PDGFRL: variants seen among roughly 807,000 people sequenced by gnomAD.
PDGFRL encodes the protein platelet-derived growth factor receptor-like protein.
Under a neutral mutation model 37.2 loss-of-function variants are expected in PDGFRL, and 46 were observed. That is an observed-to-expected ratio of 1.24 (90% CI 0.98 to 1.58). The LOEUF (loss-of-function observed/expected upper bound fraction) is 1.58, where lower values mean the gene tolerates loss of function less well. Among genes scored for constraint, PDGFRL ranks in the 40% most tolerant of loss-of-function variants. The pLI is 0.00. For synonymous variants in PDGFRL, 251 were observed against 184.3 expected (o/e 1.36, Z -2.93); for missense variants, 692 against 467.6 (o/e 1.48, Z -4.43).
rs770779669 is a variant in PDGFRL at position 17,590,236 on chromosome 8, C to CAAAAAAAAAAAAAAAAA, written c.353+475_353+491dup. ...GGTGACAGAGAGCGAGACTCCATCTCAAAAAAAAAAAAAAAAAAAATTGCA... is the reference window on the plus strand; with the variant it reads ...GGTGACAGAGAGCGAGACTCCATCTCAAAAAAAAAAAAAAAAAAAAAAAAAAAAAAAAAAAAATTGCA... On this transcript the variant is annotated intron_variant, in intron 2 of 5. Coordinates refer to ENST00000251630, the MANE Select transcript of PDGFRL (RefSeq NM_001372073.1). Among the ~76,000 whole-genome samples the CAAAAAAAAAAAAAAAAA allele has an allele frequency of 4.9e-3, 173 of 35,594 alleles. 22 individuals carry two copies. Among genetic ancestry groups the CAAAAAAAAAAAAAAAAA allele is most frequent in the Admixed American group, 7.6e-3 (14 of 1,836 alleles). 23.4% of individuals were successfully genotyped at this position (35,594 alleles called of 152,430 possible).
At chr8:17,584,880 A>G (rs545264276) in intron 1 of PDGFRL, among the ~76,000 whole-genome samples, 5 of 152,260 alleles carry the variant, frequency 3.3e-5, no homozygotes, top group African/African-American at 1.2e-4. Context: ...GTAAAGGAAT[A>G]AAAGAATGGC....
intron 5 of PDGFRL, among the ~76,000 whole-genome samples, chr8:17,642,139 C>G (rs149887744): frequency 9.5e-4 from 145 of 152,244 alleles, no homozygotes; most frequent in African/African-American, 3.3e-3. Flanking sequence ...TCATACTTCT[C>G]CCTCTCTCAA....
intron 2 of PDGFRL, among the ~76,000 whole-genome samples, chr8:17,606,218 C>G (rs1335506971): frequency 2.0e-5 from 3 of 151,908 alleles, no homozygotes; most frequent in African/African-American, 7.3e-5. Flanking sequence ...CGAAAATACA[C>G]AGAACGTACA....
chr8:17,608,029 G>A (rs994701536), intron 2 of PDGFRL, among the ~76,000 whole-genome samples: 1 of 152,174 alleles, frequency 6.6e-6, no homozygotes, highest in African/African-American at 2.4e-5. Context: ...TGGGGAGTCC[G>A]CCCAGAACCT....
intron 5 of PDGFRL, among the ~76,000 whole-genome samples, chr8:17,636,195 A>C (rs1032584620): frequency 1.3e-5 from 2 of 152,246 alleles, no homozygotes; most frequent in Non-Finnish European, 2.9e-5. Context: ...GCCTAAGCCA[A>C]TGTCTAGAAA....
intron 3 of PDGFRL, among the ~76,000 whole-genome samples, chr8:17,627,048 CTG>C (rs1804748375): frequency 6.6e-6 from 1 of 152,272 alleles, no homozygotes; most frequent in South Asian, 2.1e-4. Context: ...ATCCTCTGGG[CTG>C]TGTGAGGACA....
chr8:17,627,095 G>C (rs1156715922), intron 3 of PDGFRL, among the ~76,000 whole-genome samples: 2 of 152,182 alleles, frequency 1.3e-5, no homozygotes, highest in Non-Finnish European at 2.9e-5. Context: ...GGGGCTCCCA[G>C]GGGAGCTCTG....
At chr8:17,591,137 C>G (rs535942435) in intron 2 of PDGFRL, among the ~76,000 whole-genome samples, 2 of 152,124 alleles carry the variant, frequency 1.3e-5, no homozygotes, top group Non-Finnish European at 2.9e-5. Flanking sequence ...CTGCCTCGGC[C>G]TCCCAAAGTG....
rs372832259 is a variant in PDGFRL at position 17,621,226 on chromosome 8, G to A, written c.505+24G>A. 285 of 1,562,704 alleles carry A rather than the reference G, an allele frequency of 1.8e-4. 1 individual carries two copies. Among genetic ancestry groups the A allele is most frequent in the Middle Eastern group, 5.1e-4 (3 of 5,892 alleles). On this transcript the variant is annotated intron_variant, in intron 3 of 5. Coordinates refer to ENST00000251630, the MANE Select transcript of PDGFRL (RefSeq NM_001372073.1). ...AGGTAAAATACTTGGTGCATTAATGGAACTCTTCAAACTTCTGGACCGGGC... is the reference window on the plus strand; with the variant it reads ...AGGTAAAATACTTGGTGCATTAATGAAACTCTTCAAACTTCTGGACCGGGC...
chr8:17,586,284 C>T (rs911051703), intron 1 of PDGFRL, among the ~76,000 whole-genome samples: 1 of 152,146 alleles, frequency 6.6e-6, no homozygotes, highest in Non-Finnish European at 1.5e-5. Flanking sequence ...CATCTCCTCA[C>T]CGAGGGGATC....
chr8:17,638,763 ATATATATATATATATATATATAT>A (rs1348269538), intron 5 of PDGFRL, among the ~76,000 whole-genome samples: 16 of 115,692 alleles, frequency 1.4e-4, no homozygotes, highest in East Asian at 8.4e-4. Flanking sequence ...ATATATATAT[ATATATATATATATATATATATAT>A]AATTGTGATA....
intron 2 of PDGFRL, among the ~76,000 whole-genome samples, chr8:17,599,268 A>G (rs79211460): frequency 0.019 from 2,820 of 152,182 alleles, 62 homozygotes; most frequent in South Asian, 0.066. Flanking sequence ...CCATATTTGC[A>G]TATTTGTTAT....
At chr8:17,586,480 A>G (rs1004838353) in intron 1 of PDGFRL, among the ~76,000 whole-genome samples, 1 of 152,186 alleles carries the variant, frequency 6.6e-6, no homozygotes, top group African/African-American at 2.4e-5. Context: ...TGGAGAGGCA[A>G]TGGCATGAGC....
At chr8:17,638,532 G>T (rs751418165) in intron 5 of PDGFRL, among the ~76,000 whole-genome samples, 29 of 151,418 alleles carry the variant, frequency 1.9e-4, no homozygotes, top group Non-Finnish European at 4.0e-4. Context: ...TTGTTGGGTC[G>T]AATGTTCTAC....
At chr8:17,607,846 TA>T (rs1294074053) in intron 2 of PDGFRL, among the ~76,000 whole-genome samples, 3 of 152,242 alleles carry the variant, frequency 2.0e-5, no homozygotes, top group Admixed American at 2.0e-4. Flanking sequence ...GGATAAGATG[TA>T]AAATGGGAAA....
At chr8:17,597,634 T>C (rs1804082765) in intron 2 of PDGFRL, among the ~76,000 whole-genome samples, 1 of 152,174 alleles carries the variant, frequency 6.6e-6, no homozygotes, top group Non-Finnish European at 1.5e-5. Flanking sequence ...TATTCATCAG[T>C]GATTTTGGTA....
intron 2 of PDGFRL, among the ~76,000 whole-genome samples, chr8:17,592,467 G>A (rs544146583): frequency 3.2e-4 from 49 of 152,262 alleles, no homozygotes; most frequent in South Asian, 6.2e-4. Context: ...CCACTCGGTG[G>A]ATGCCCTTGG....
chr8:17,621,249 G>C (rs1804625200), intron 3 of PDGFRL, 47 bp downstream of exon 3: 11 of 1,398,264 alleles, frequency 7.9e-6, no homozygotes, highest in Non-Finnish European at 1.1e-5. Context: ...TTCTGGACCG[G>C]GCTGAGAGCT....
intron 2 of PDGFRL, among the ~76,000 whole-genome samples, chr8:17,592,269 C>A (rs1470068930): frequency 1.3e-5 from 2 of 152,254 alleles, no homozygotes; most frequent in Non-Finnish European, 2.9e-5. Context: ...GTTCCCTCTT[C>A]ATAGCACTTG....
Sources: allele counts gnomAD v4.1 joint callset (sites outside exome capture counted in the v4.1 genomes callset), GRCh38; gene constraint gnomAD v4.1.1; transcripts MANE v1.5; gene names NCBI Gene and HGNC (gene_info 2026-07-23, HGNC 2026-07-21).